ZNF551: variants seen among roughly 807,000 people sequenced by gnomAD.
ZNF551 encodes the protein zinc finger protein 551.
ZNF551 carries 5 observed loss-of-function variants against 7.9 expected under a neutral mutation model. The ratio of observed to expected loss-of-function variants is 0.63; its 90% CI spans 0.33 to 1.33. The LOEUF (loss-of-function observed/expected upper bound fraction) is 1.33. ZNF551 is among the 40% of genes most tolerant of loss of function. The pLI is 0.05. For synonymous variants in ZNF551, 287 were observed against 277.3 expected (o/e 1.03, Z -0.35); for missense variants, 788 against 825.2 (o/e 0.95, Z 0.55).
intron 1 of ZNF551, 91 bp from the exon 2 acceptor site, chr19:57,685,171 G>A (rs1010757336): frequency 1.3e-4 from 209 of 1,552,660 alleles, no homozygotes; most frequent in Admixed American, 2.9e-4. Context: ...CGCTGAGGTG[G>A]GCAATAGGGT....
chr19:57,682,727 G>A (rs1002820499), intron 1 of ZNF551, among the ~76,000 whole-genome samples: 1 of 152,100 alleles, frequency 6.6e-6, no homozygotes, highest in Non-Finnish European at 1.5e-5. Flanking sequence ...GAGAACTGAG[G>A]TGCGGAGATA....
In ZNF551 at chr19:57,686,470, TCTG is replaced by T; in HGVS notation, c.206-8_206-6del. 1 of 1,596,044 alleles carries T rather than the reference TCTG, an allele frequency of 6.3e-7. No individual in the cohort carries two copies. Reference sequence around the variant, plus strand: ...TCAGCATGCATTTCATCAGCATTTCTCTGCTTTCAGGTTATTGCCATGGAATGG... The same window carrying T: ...TCAGCATGCATTTCATCAGCATTTCTCTTTCAGGTTATTGCCATGGAATGG... On this transcript the variant is annotated splice_polypyrimidine_tract_variant and splice_region_variant and intron_variant, in intron 2 of 2. Coordinates refer to ENST00000282296, the MANE Select transcript of ZNF551 (RefSeq NM_138347.5).
chr19:57,683,859 C>A (rs187954626), intron 1 of ZNF551, among the ~76,000 whole-genome samples: 12 of 151,960 alleles, frequency 7.9e-5, no homozygotes, highest in African/African-American at 2.7e-4. Context: ...AGGACTGGTG[C>A]GTATTCACCT....
rs1984686996 is a variant in ZNF551 at position 57,689,212 on chromosome 19, C to T, written c.*924C>T. 1 of 152,182 alleles carries T rather than the reference C, an allele frequency of 6.6e-6. No individual in the cohort carries two copies. The highest frequency in any genetic ancestry group is 2.4e-5 in the African/African-American group (1 of 41,430). The allele number at this position is 152,182 out of a possible 1,614,324, so 9.4% of individuals were successfully genotyped here. On this transcript the variant is annotated 3_prime_UTR_variant, in exon 3 of 3. Transcript: ENST00000282296. ...TGTCCACAGGAGATCCACATAATTC[C>T]TAGCACTGGTGAGGGGAATCTGTTG... is the stretch of plus-strand genomic sequence containing the variant.
At position 57,688,132 on chromosome 19, in the gene ZNF551, A is replaced by T; in HGVS notation, c.1857A>T (p.Gln619His). Residue 619 changes from glutamine (Q) to histidine (H), a missense_variant, in exon 3 of 3, where the codon CAA (glutamine) becomes CAT (histidine). Physicochemically the swap from Gln to His is conservative, Grantham distance 24. Coordinates refer to ENST00000282296, the MANE Select transcript of ZNF551 (RefSeq NM_138347.5). Reference sequence around the variant, plus strand: ...GAGAAAGACCTTATGAGTGCAGTCAATGTGGGAAACCCTTTACCCACAAAT... The same window carrying T: ...GAGAAAGACCTTATGAGTGCAGTCATTGTGGGAAACCCTTTACCCACAAAT... ...HTGERPYECS[Q>H]CGKPFTHKSD... 6.2e-7 allele frequency: 1 copy of T among 1,614,142 alleles called. No individual in the cohort carries two copies. The highest frequency in any genetic ancestry group is 8.5e-7 in the Non-Finnish European group (1 of 1,180,014).
Position 57,686,870 on chromosome 19 carries a change from A to G in ZNF551, c.595A>G (p.Thr199Ala). Reference sequence around the variant, plus strand: ...CACGGACCTACTCCAACACGAAGCCACTCCCAGTGGTGAGGAGCCACACAG... The same window carrying G: ...CACGGACCTACTCCAACACGAAGCCGCTCCCAGTGGTGAGGAGCCACACAG... Reference protein sequence around the residue: ...APTDLLQHEATPSGEEPHSSS... With the variant: ...APTDLLQHEAAPSGEEPHSSS... The change falls in exon 3 of 3, where the codon ACT becomes GCT. Residue 199 changes from threonine (T) to alanine (A), a missense_variant. Transcript: ENST00000282296. 2 of 1,614,112 alleles carry G rather than the reference A, an allele frequency of 1.2e-6. No individual in the cohort carries two copies. The highest frequency in any genetic ancestry group is 1.1e-5 in the South Asian group (1 of 91,084).
In ZNF551 at chr19:57,689,155, C is replaced by A. The variant is rs1044715352; in HGVS notation, c.*867C>A. On this transcript the variant is annotated 3_prime_UTR_variant, in exon 3 of 3. Transcript: ENST00000282296. ...AAAAGGAGGCAGTTGTGACAATCCCCAGTGCTTCTGTGAACGTGAATTTTG... is the reference window on the plus strand; with the variant it reads ...AAAAGGAGGCAGTTGTGACAATCCCAAGTGCTTCTGTGAACGTGAATTTTG... 3 of 152,234 alleles carry A rather than the reference C, an allele frequency of 2.0e-5. No homozygotes were observed. Among genetic ancestry groups the A allele is most frequent in the African/African-American group, 4.8e-5 (2 of 41,462 alleles). 9.4% of individuals were successfully genotyped at this position (152,234 alleles called of 1,614,324 possible). A position where few individuals can be genotyped will look rare whatever the true frequency, so the allele number is the denominator to read the frequency against.
Position 57,688,058 on chromosome 19 carries a change from T to C in ZNF551, c.1783T>C (p.Ser595Pro). The C allele has an allele frequency of 1.2e-6, 2 of 1,614,022 alleles. No individual in the cohort carries two copies. Among genetic ancestry groups the C allele is most frequent in the Admixed American group, 3.3e-5 (2 of 59,992 alleles). ...RPYECSECGK[S>P]FSQSSSLIQH... is the part of the protein sequence containing the mutation. ...TTATGAATGTAGTGAATGTGGGAAA[T>C]CCTTTAGCCAGAGCTCTAGCCTCAT... The change falls in exon 3 of 3, where the codon TCC (serine) becomes CCC (proline). Residue 595 changes from serine to proline, a missense_variant. Transcript: ENST00000282296.
In ZNF551 at chr19:57,688,494, G is replaced by A. The variant is rs574773969; in HGVS notation, c.*206G>A. 13 of 688,630 alleles carry A rather than the reference G, an allele frequency of 1.9e-5. No individual in the cohort carries two copies. The highest frequency in any genetic ancestry group is 1.6e-4 in the African/African-American group (9 of 55,276). The allele number at this position is 688,630 out of a possible 1,614,324, so 42.7% of individuals were successfully genotyped here. A position where few individuals can be genotyped will look rare whatever the true frequency, so the allele number is the denominator to read the frequency against. On this transcript the variant is annotated 3_prime_UTR_variant, in exon 3 of 3. Coordinates refer to ENST00000282296, the MANE Select transcript of ZNF551 (RefSeq NM_138347.5). ...GATTTATGTCACTGCCAATTTCTGAGGCTGAAGCCATTTCACATTTCACCC... is the reference window on the plus strand; with the variant it reads ...GATTTATGTCACTGCCAATTTCTGAAGCTGAAGCCATTTCACATTTCACCC...
chr19:57,687,809 T>C lies in ZNF551; in HGVS notation c.1534T>C (p.Phe512Leu), dbSNP rs1335531947. The change falls in exon 3 of 3, where the codon TTT becomes CTT. Residue 512 changes from phenylalanine to leucine, a missense_variant. Transcript: ENST00000282296. ...TGAATGCAGTGAATGTGGAAAATCCTTTACCCGCAAATCTGACCTCATTCA... is the reference window on the plus strand; with the variant it reads ...TGAATGCAGTGAATGTGGAAAATCCCTTACCCGCAAATCTGACCTCATTCA... ...PYECSECGKS[F>L]TRKSDLIQHR... 3.7e-6 allele frequency: 6 copies of C among 1,613,992 alleles called. No homozygotes were observed.
chr19:57,687,504 G>A lies in ZNF551; in HGVS notation c.1229G>A (p.Arg410Lys), dbSNP rs772769717. Reference sequence around the variant, plus strand: ...CAAATCTTCAATCTCATTCGACATAGAAGAGTTCACACTGGAGAAATGCCT... The same window carrying A: ...CAAATCTTCAATCTCATTCGACATAAAAGAGTTCACACTGGAGAAATGCCT... Reference protein sequence around the residue: ...FRQIFNLIRHRRVHTGEMPYQ... With the variant: ...FRQIFNLIRHKRVHTGEMPYQ... Residue 410 changes from arginine to lysine, a missense_variant, in exon 3 of 3, where the codon AGA (arginine) becomes AAA (lysine). Transcript: ENST00000282296. The A allele has an allele frequency of 1.9e-6, 3 of 1,613,798 alleles. No homozygotes were observed. In the South Asian group the frequency reaches 3.3e-5, roughly 18 times the overall value.
chr19:57,687,136 C>A lies in ZNF551; in HGVS notation c.861C>A (p.Ser287=). Reference sequence around the variant, plus strand: ...TTGAGTGTAGTGAATGTGAGGAATCCTTTAGCAAAAAGTGCCACCTAATCT... The same window carrying A: ...TTGAGTGTAGTGAATGTGAGGAATCATTTAGCAAAAAGTGCCACCTAATCT... The part of the protein sequence containing the change: ...KMFECSECEE[S]FSKKCHLILH... The change falls in exon 3 of 3, where the codon TCC becomes TCA. Residue 287 remains serine (S), a synonymous_variant. Coordinates refer to ENST00000282296, the MANE Select transcript of ZNF551 (RefSeq NM_138347.5). 2.5e-6 allele frequency: 4 copies of A among 1,614,214 alleles called. No individual in the cohort carries two copies. The highest frequency in any genetic ancestry group is 3.4e-6 in the Non-Finnish European group (4 of 1,180,040).
chr19:57,681,996 T>C lies in ZNF551; in HGVS notation c.-168T>C. On this transcript the variant is annotated 5_prime_UTR_variant, in exon 1 of 3. Coordinates refer to ENST00000282296, the MANE Select transcript of ZNF551 (RefSeq NM_138347.5). ...CGGGCCGGAACTTCCGGCGTCCTCC[T>C]CGTGGCGGTCATTTTGGCCTCTGTC... 2 of 672,256 alleles carry C rather than the reference T, an allele frequency of 3.0e-6. No individual in the cohort carries two copies. Among genetic ancestry groups the C allele is most frequent in the Non-Finnish European group, 2.4e-6 (1 of 410,156 alleles). 41.6% of individuals were successfully genotyped at this position (672,256 alleles called of 1,614,324 possible). A position where few individuals can be genotyped will look rare whatever the true frequency, so the allele number is the denominator to read the frequency against.
rs148833732 is a variant in ZNF551 at position 57,686,847 on chromosome 19, C to T, written c.572C>T (p.Thr191Met). 1.2e-4 allele frequency: 199 copies of T among 1,614,168 alleles called. No individual in the cohort carries two copies. The African/African-American group carries it at 1.5e-3, about 13-fold the overall frequency. Residue 191 changes from threonine to methionine, a missense_variant, in exon 3 of 3, where the codon ACG becomes ATG. Thr to Met is a moderately conservative substitution (Grantham distance 81, BLOSUM62 -1). Transcript: ENST00000282296. ...FTCGEAFPAPTDLLQHEATPS... is the reference protein window; with the variant it reads ...FTCGEAFPAPMDLLQHEATPS... ...TGTGGGGAGGCCTTCCCAGCCCCCA[C>T]GGACCTACTCCAACACGAAGCCACT... is the stretch of plus-strand genomic sequence containing the variant.
At chr19:57,684,328 G>A (rs1479385432) in intron 1 of ZNF551, among the ~76,000 whole-genome samples, 2 of 152,184 alleles carry the variant, frequency 1.3e-5, no homozygotes, top group Non-Finnish European at 2.9e-5. Flanking sequence ...AGTAAGCTGT[G>A]GCTGTGGGAG....
intron 1 of ZNF551, 146 bp from the exon 2 acceptor site, chr19:57,685,116 T>TGTGGGGAGAGG (rs1002946021): frequency 2.0e-6 from 2 of 991,592 alleles, no homozygotes; most frequent in African/African-American, 3.2e-5. Flanking sequence ...TCAGTGGAAC[T>TGTGGGGAGAGG]GTGGGGAGAG....
Position 57,688,592 on chromosome 19 carries a change from C to CCTG in ZNF551, c.*304_*305insCTG. Reference sequence around the variant, plus strand: ...GTGCTCAGAGAAGCAAACCTCTGTACTCTCCCATTTGCTTGGGGAAATTAT... The same window carrying CCTG: ...GTGCTCAGAGAAGCAAACCTCTGTACCTGTCTCCCATTTGCTTGGGGAAATTAT... On this transcript the variant is annotated 3_prime_UTR_variant, in exon 3 of 3. Transcript: ENST00000282296. 2 of 359,586 alleles carry CCTG rather than the reference C, an allele frequency of 5.6e-6. No homozygotes were observed. The highest frequency in any genetic ancestry group is 5.2e-5 in the South Asian group (1 of 19,374). 22.3% of individuals were successfully genotyped at this position (359,586 alleles called of 1,614,324 possible). A position where few individuals can be genotyped will look rare whatever the true frequency, so the allele number is the denominator to read the frequency against.
chr19:57,688,420 G>A lies in ZNF551; in HGVS notation c.*132G>A. 8.0e-7 allele frequency: 1 copy of A among 1,251,604 alleles called. No homozygotes were observed. Among genetic ancestry groups the A allele is most frequent in the Non-Finnish European group, 1.1e-6 (1 of 914,492 alleles). 77.5% of individuals were successfully genotyped at this position (1,251,604 alleles called of 1,614,324 possible). ...TTCATAAGTTTCAGGTATGTGGGAA[G>A]CTCTGAGGAGGTTCATTGTAATTTC... On this transcript the variant is annotated 3_prime_UTR_variant, in exon 3 of 3. Coordinates refer to ENST00000282296, the MANE Select transcript of ZNF551 (RefSeq NM_138347.5).
At position 57,688,425 on chromosome 19, in the gene ZNF551, G is replaced by A; in HGVS notation, c.*137G>A. On this transcript the variant is annotated 3_prime_UTR_variant, in exon 3 of 3. Transcript: ENST00000282296. ...AAGTTTCAGGTATGTGGGAAGCTCT[G>A]AGGAGGTTCATTGTAATTTCTAATC... 1 of 1,215,848 alleles carries A rather than the reference G, an allele frequency of 8.2e-7. No homozygotes were observed. Among genetic ancestry groups the A allele is most frequent in the Non-Finnish European group, 1.1e-6 (1 of 884,532 alleles). 75.3% of individuals were successfully genotyped at this position (1,215,848 alleles called of 1,614,324 possible). A position where few individuals can be genotyped will look rare whatever the true frequency, so the allele number is the denominator to read the frequency against.
Sources: gnomAD v4.1 joint callset for allele counts (sites outside exome capture counted in the v4.1 genomes callset) on GRCh38, gnomAD v4.1.1 for gene constraint, MANE v1.5 for transcripts, NCBI Gene and HGNC (gene_info 2026-07-23, HGNC 2026-07-21) for gene names.